Variants in CNNM4 observed in about 807,000 individuals in gnomAD.
The protein encoded by CNNM4 is metal transporter CNNM4.
In CNNM4, 32 loss-of-function variants were observed where a neutral mutation model predicts 53.7. The ratio of observed to expected loss-of-function variants is 0.60; its 90% CI spans 0.45 to 0.80. The LOEUF (loss-of-function observed/expected upper bound fraction) is 0.80, where lower values mean the gene tolerates loss of function less well. Ranked by LOEUF, CNNM4 falls within the 30% of genes least tolerant of loss-of-function variation. The pLI, the probability that CNNM4 is intolerant of heterozygous loss-of-function variation, is 0.00. For missense variants in CNNM4, 784 were observed against 1,022.0 expected, an observed-to-expected ratio of 0.77 and a Z score of 3.17; for synonymous variants, 410 against 440.0, an observed-to-expected ratio of 0.93 and a Z score of 0.85.
At chr2:96,774,893 G>A (rs564974944) in intron 1 of CNNM4, among the ~76,000 whole-genome samples, 11 of 141,654 alleles carry the variant, frequency 7.8e-5, no homozygotes, top group Non-Finnish European at 1.7e-4. Context: ...CCCAGGAGGT[G>A]GAAGTTGCAG....
In CNNM4 at chr2:96,810,313, A is replaced by G. The variant is rs2079246160; in HGVS notation, c.*796A>G. The G allele has an allele frequency of 6.5e-6, 1 of 152,782 alleles. No individual in the cohort carries two copies. The allele number at this position is 152,782 out of a possible 1,614,324, so 9.5% of individuals were successfully genotyped here. On this transcript the variant is annotated 3_prime_UTR_variant, in exon 7 of 7. Coordinates refer to ENST00000377075, the MANE Select transcript of CNNM4 (RefSeq NM_020184.4). The surrounding 1 kb of genome is among the most constrained non-coding windows in gnomAD (Gnocchi z 4.1). ...TGCCTCCCATCTGGCCCTTTGGACA[A>G]CTGGCCCTTTGTGACAGGGCTGACT...
chr2:96,771,053 T>G (rs1202850009), intron 1 of CNNM4, among the ~76,000 whole-genome samples: 1 of 152,172 alleles, frequency 6.6e-6, no homozygotes, highest in African/African-American at 2.4e-5. Flanking sequence ...GGCCCTCGGC[T>G]GAGGGGGTGG....
intron 1 of CNNM4, among the ~76,000 whole-genome samples, chr2:96,774,867 A>G (rs1284957683): frequency 2.0e-5 from 3 of 146,838 alleles, no homozygotes; most frequent in Admixed American, 1.4e-4. Flanking sequence ...AGGCTGAGGC[A>G]GGAGATTCGC....
chr2:96,786,195 T>A (rs1374266420), intron 1 of CNNM4, among the ~76,000 whole-genome samples: 1 of 151,992 alleles, frequency 6.6e-6, no homozygotes, highest in East Asian at 1.9e-4. Flanking sequence ...GGTGGGTGGA[T>A]CACCTGAGGT....
intron 1 of CNNM4, among the ~76,000 whole-genome samples, chr2:96,781,003 G>C (rs1398850805): frequency 1.6e-5 from 2 of 127,336 alleles, no homozygotes; most frequent in Non-Finnish European, 3.2e-5. Context: ...TTTTGAGATG[G>C]AGTCTCACTG....
In CNNM4 at chr2:96,776,550, A is replaced by G. The variant is rs546484096; in HGVS notation, c.1402+14149A>G. Among the ~76,000 whole-genome samples, 9 of 152,282 alleles carry G rather than the reference A, an allele frequency of 5.9e-5. 1 individual carries two copies. Among genetic ancestry groups the G allele is most frequent in the South Asian group, 4.1e-4 (2 of 4,828 alleles). ...GTTAACCATTATCACCTACTGATCTATGGAGCACCAGGTCTTATTTCTTCT... is the reference window on the plus strand; with the variant it reads ...GTTAACCATTATCACCTACTGATCTGTGGAGCACCAGGTCTTATTTCTTCT... On this transcript the variant is annotated intron_variant, in intron 1 of 6. Coordinates refer to ENST00000377075, the MANE Select transcript of CNNM4 (RefSeq NM_020184.4).
intron 1 of CNNM4, among the ~76,000 whole-genome samples, chr2:96,784,174 G>A (rs2078997961): frequency 1.3e-5 from 2 of 152,160 alleles, no homozygotes; most frequent in African/African-American, 4.8e-5. Context: ...GGCTGAGGCG[G>A]GAGAATCACT....
chr2:96,788,434 T>A (rs2079033196), intron 1 of CNNM4, among the ~76,000 whole-genome samples: 1 of 151,962 alleles, frequency 6.6e-6, no homozygotes, highest in Non-Finnish European at 1.5e-5. Context: ...ATGAGCCCTG[T>A]TTAGGATTAT....
rs1471497309 is a variant in CNNM4 at position 96,801,093 on chromosome 2, G to A, written c.1948+1445G>A. ...CCAGTGCCTTCAGTCCAGGTCGGGTGTCCGCCTGGCAAGCGGAACTCCCTG... is the reference window on the plus strand; with the variant it reads ...CCAGTGCCTTCAGTCCAGGTCGGGTATCCGCCTGGCAAGCGGAACTCCCTG... On this transcript the variant is annotated intron_variant, in intron 5 of 6. Coordinates refer to ENST00000377075, the MANE Select transcript of CNNM4 (RefSeq NM_020184.4). This position sits in a 1 kb window ranked among gnomAD's most constrained non-coding sequence, Gnocchi z 5.6. The A allele has an allele frequency of 6.1e-6, 6 of 985,298 alleles. No individual in the cohort carries two copies. The highest frequency in any genetic ancestry group is 1.1e-4 in the East Asian group (1 of 8,822). 61.0% of individuals were successfully genotyped at this position (985,298 alleles called of 1,614,324 possible).
intron 1 of CNNM4, among the ~76,000 whole-genome samples, chr2:96,769,551 G>A (rs2078849717): frequency 6.7e-6 from 1 of 148,362 alleles, no homozygotes; most frequent in African/African-American, 2.5e-5. Context: ...GTGACAGAGT[G>A]AGACTCTGTC....
rs1026873602 is a variant in CNNM4 at position 96,800,131 on chromosome 2, G to A, written c.1948+483G>A. On this transcript the variant is annotated intron_variant, in intron 5 of 6. Coordinates refer to ENST00000377075, the MANE Select transcript of CNNM4 (RefSeq NM_020184.4). The surrounding 1 kb of genome is among the most constrained non-coding windows in gnomAD (Gnocchi z 4.6). The stretch of plus-strand genomic sequence containing the variant: ...GTTTTGGTTAGAGGTCAGCTCCGAT[G>A]GAATAAAGGGCCTTGGGGACAGACA... 1.3e-5 allele frequency among the ~76,000 whole-genome samples: 2 copies of A among 152,160 alleles called. No homozygotes were observed. The highest frequency in any genetic ancestry group is 2.4e-5 in the African/African-American group (1 of 41,438).
At chr2:96,768,262 C>G (rs2078836121) in intron 1 of CNNM4, among the ~76,000 whole-genome samples, 1 of 152,168 alleles carries the variant, frequency 6.6e-6, no homozygotes, top group African/African-American at 2.4e-5. Flanking sequence ...CACACCCCAC[C>G]CTCCCATCCG....
At chr2:96,779,932 A>G (rs1444433042) in intron 1 of CNNM4, among the ~76,000 whole-genome samples, 1 of 151,770 alleles carries the variant, frequency 6.6e-6, no homozygotes, top group Non-Finnish European at 1.5e-5. Flanking sequence ...CCTCCTGAGT[A>G]GCTGGGGCTA....
chr2:96,789,185 A>G (rs1172414722), intron 1 of CNNM4, among the ~76,000 whole-genome samples: 1 of 152,102 alleles, frequency 6.6e-6, no homozygotes, highest in East Asian at 1.9e-4. Flanking sequence ...AGTGGGAGAT[A>G]GACGCCGGTC....
intron 6 of CNNM4, 57 bp from the exon 7 acceptor site, chr2:96,809,263 G>A (rs759682876): frequency 1.2e-6 from 2 of 1,606,680 alleles, no homozygotes; most frequent in Admixed American, 3.4e-5. Flanking sequence ...TCCAGGCCTG[G>A]TGATAGGGTC....
rs572844826 is a variant in CNNM4, at chr2:96,808,866, G to C, written c.2130+124G>C. The C allele has an allele frequency of 8.6e-5, 84 of 978,394 alleles. No homozygotes were observed. Among genetic ancestry groups the C allele is most frequent in the Non-Finnish European group, 1.2e-4 (75 of 633,436 alleles). 60.6% of individuals were successfully genotyped at this position (978,394 alleles called of 1,614,324 possible). A position where few individuals can be genotyped will look rare whatever the true frequency, so the allele number is the denominator to read the frequency against. On this transcript the variant is annotated intron_variant, in intron 6 of 6. Transcript: ENST00000377075. This position sits in a 1 kb window ranked among gnomAD's most constrained non-coding sequence, Gnocchi z 4.9. ...AGATGCCTTTTTCTTCTGGAGATGG[G>C]GTCTTGCTCTGTCGCCCAGGCTGGA...
At chr2:96,774,229 G>C (rs1310815584) in intron 1 of CNNM4, among the ~76,000 whole-genome samples, 2 of 152,108 alleles carry the variant, frequency 1.3e-5, no homozygotes, top group African/African-American at 4.8e-5. Context: ...CTGGTCCTCT[G>C]CTGCCTCCCA....
chr2:96,778,416 G>A (rs1418263983), intron 1 of CNNM4, among the ~76,000 whole-genome samples: 1 of 151,364 alleles, frequency 6.6e-6, no homozygotes, highest in African/African-American at 2.4e-5. Context: ...AAATTAGCTG[G>A]GCATGGTGGC....
rs1293590460 is a variant in CNNM4, at chr2:96,762,123, A to G, written c.1124A>G (p.Asp375Gly). ...GAACTACGGACCAAAACTGTAGAGG[A>G]TATCATGACCCAGCTCCAGGACTGC... ...ALELRTKTVE[D>G]IMTQLQDCFM... Residue 375 changes from aspartate to glycine, a missense_variant, in exon 1 of 7, where the codon GAT becomes GGT. By Grantham distance (94) the Asp-to-Gly change is moderately conservative. Transcript: ENST00000377075. 1.2e-6 allele frequency: 2 copies of G among 1,614,010 alleles called. No homozygotes were observed. Among genetic ancestry groups the G allele is most frequent in the South Asian group, 1.1e-5 (1 of 91,088 alleles).
Sources: allele counts gnomAD v4.1 joint callset (sites outside exome capture counted in the v4.1 genomes callset), GRCh38; gene constraint gnomAD v4.1.1; non-coding constraint Gnocchi (gnomAD v3.1); transcripts MANE v1.5; gene names NCBI Gene and HGNC (gene_info 2026-07-23, HGNC 2026-07-21).